AGBL4: variants seen among roughly 807,000 people sequenced by gnomAD.
AGBL4 encodes the protein AGBL carboxypeptidase 4.
A neutral mutation model predicts 66.4 loss-of-function variants in AGBL4; 58 were observed. The ratio of observed to expected loss-of-function variants is 0.87; its 90% CI spans 0.71 to 1.09. The LOEUF is 1.09. Ranked by LOEUF, AGBL4 falls within the 50% of genes least tolerant of loss-of-function variation. The probability of loss-of-function intolerance (pLI) is 0.00; values close to 1 mark genes in which losing one functional copy is unlikely to be tolerated. For synonymous variants in AGBL4, 234 were observed against 222.9 expected (o/e 1.05, Z -0.44); for missense variants, 579 against 631.0 (o/e 0.92, Z 0.88).
chr1:48,900,647 C>T (rs1050196172), intron 5 of AGBL4, among the ~76,000 whole-genome samples: 1 of 152,094 alleles, frequency 6.6e-6, no homozygotes, highest in Non-Finnish European at 1.5e-5. Flanking sequence ...ACAGTTTTTT[C>T]AACAAATGGA....
intron 4 of AGBL4, among the ~76,000 whole-genome samples, chr1:49,096,850 A>G (rs1447357747): frequency 6.6e-6 from 1 of 152,042 alleles, no homozygotes; most frequent in African/African-American, 2.4e-5. Context: ...AATAAAAAAA[A>G]AACAGTGAAG....
At chr1:48,965,952 A>G (rs1429826282) in intron 5 of AGBL4, among the ~76,000 whole-genome samples, 1 of 152,184 alleles carries the variant, frequency 6.6e-6, no homozygotes, top group Non-Finnish European at 1.5e-5. Context: ...AAAAGAAAGA[A>G]CACAGCTTTT....
rs199917087 is a variant in AGBL4, at chr1:48,975,480, G to A, written c.594+70104C>T. Among the ~76,000 whole-genome samples the A allele has an allele frequency of 2.0e-5, 3 of 152,238 alleles. No homozygotes were observed. In the East Asian group the frequency reaches 5.8e-4, roughly 29 times the overall value. Reference sequence around the variant, plus strand: ...GAAAACCACACAGAAGATTCCTATAGGTAAGAGAAACCATCTCAACTATCT... The same window carrying A: ...GAAAACCACACAGAAGATTCCTATAAGTAAGAGAAACCATCTCAACTATCT... On this transcript the variant is annotated intron_variant, in intron 5 of 13. Transcript: ENST00000371839.
intron 6 of AGBL4, among the ~76,000 whole-genome samples, chr1:48,710,625 T>C (rs921260554): frequency 6.6e-6 from 1 of 152,126 alleles, no homozygotes; most frequent in South Asian, 2.1e-4. Flanking sequence ...GATTTAAGGG[T>C]CCTTGTTAGG....
intron 3 of AGBL4, among the ~76,000 whole-genome samples, chr1:49,562,313 T>C (rs1332652703): frequency 6.6e-6 from 1 of 152,198 alleles, no homozygotes; most frequent in Non-Finnish European, 1.5e-5. Flanking sequence ...TTTAGTTTAA[T>C]TAGATCCCAT....
chr1:49,290,561 T>C (rs1315227968), intron 3 of AGBL4, among the ~76,000 whole-genome samples: 13 of 152,088 alleles, frequency 8.5e-5, no homozygotes. Context: ...GGGGAAAGGA[T>C]TTGGAAAAAA....
At chr1:49,465,889 G>C (rs1262710411) in intron 3 of AGBL4, among the ~76,000 whole-genome samples, 1 of 151,834 alleles carries the variant, frequency 6.6e-6, no homozygotes, top group Non-Finnish European at 1.5e-5. Context: ...TGGGGAGAAA[G>C]GTTGAAGAAG....
intron 10 of AGBL4, among the ~76,000 whole-genome samples, chr1:48,588,275 A>G (rs1456611959): frequency 6.6e-6 from 1 of 152,216 alleles, no homozygotes; most frequent in Non-Finnish European, 1.5e-5. Context: ...CTGCTTCTTT[A>G]CTAAGATGTT....
chr1:49,278,271 C>T (rs746318291), intron 3 of AGBL4, among the ~76,000 whole-genome samples: 10 of 151,998 alleles, frequency 6.6e-5, no homozygotes, highest in Non-Finnish European at 1.3e-4. Context: ...TTTGGAATCA[C>T]GTCCCAGGTT....
At chr1:48,762,515 G>C (rs1489644240) in intron 6 of AGBL4, among the ~76,000 whole-genome samples, 6 of 152,006 alleles carry the variant, frequency 3.9e-5, no homozygotes, top group Admixed American at 3.9e-4. Context: ...GTCCTCAAAG[G>C]TTCCCACTGG....
chr1:48,725,111 G>T (rs1647212748), intron 6 of AGBL4, among the ~76,000 whole-genome samples: 1 of 152,144 alleles, frequency 6.6e-6, no homozygotes, highest in Non-Finnish European at 1.5e-5. Context: ...TACTTAAGAA[G>T]AAATTTACTC....
At chr1:48,681,594 G>C (rs1364516484) in intron 6 of AGBL4, among the ~76,000 whole-genome samples, 1 of 152,154 alleles carries the variant, frequency 6.6e-6, no homozygotes, top group African/African-American at 2.4e-5. Context: ...AGCCAGGGTC[G>C]AGTTAACCTC....
At chr1:49,865,882 T>G (rs1222991742) in intron 1 of AGBL4, 1 of 351,498 alleles carries the variant, frequency 2.8e-6, no homozygotes, top group Non-Finnish European at 5.7e-6. Context: ...CAGGAGCTGT[T>G]AATCAGAATA....
intron 1 of AGBL4, among the ~76,000 whole-genome samples, chr1:49,853,699 T>C (rs1646361714): frequency 6.6e-6 from 1 of 152,068 alleles, no homozygotes; most frequent in Admixed American, 6.6e-5. Context: ...AAGAGATAAA[T>C]CACATACAAA....
intron 1 of AGBL4, among the ~76,000 whole-genome samples, chr1:49,883,106 A>T (rs954178343): frequency 6.6e-6 from 1 of 152,186 alleles, no homozygotes; most frequent in Admixed American, 6.5e-5. Flanking sequence ...TCATAATTTT[A>T]TCCAAAAATA....
At chr1:49,933,431 G>T (rs1043778977) in intron 1 of AGBL4, among the ~76,000 whole-genome samples, 1 of 151,944 alleles carries the variant, frequency 6.6e-6, no homozygotes. Flanking sequence ...ATGAAAAGGT[G>T]CTAAACAGCA....
chr1:49,048,167 T>C (rs1209496885), intron 4 of AGBL4: 1 of 152,182 alleles, frequency 6.6e-6, no homozygotes, highest in East Asian at 1.9e-4. Context: ...GAGCCCTGGA[T>C]GAGTATGTCT....
chr1:49,780,730 GA>G (rs1644316794), intron 2 of AGBL4, among the ~76,000 whole-genome samples: 1 of 151,534 alleles, frequency 6.6e-6, no homozygotes, highest in South Asian at 2.1e-4. Context: ...AAAATAACCA[GA>G]AAAAAAGTCA....
chr1:49,006,616 TA>T (rs1190920431), intron 5 of AGBL4, among the ~76,000 whole-genome samples: 2 of 151,914 alleles, frequency 1.3e-5, no homozygotes, highest in Non-Finnish European at 2.9e-5. Context: ...TCTGCAGACT[TA>T]AATGTCCCTG....
Sources: allele counts gnomAD v4.1 joint callset (sites outside exome capture counted in the v4.1 genomes callset), GRCh38; gene constraint gnomAD v4.1.1; transcripts MANE v1.5; gene names NCBI Gene and HGNC (gene_info 2026-07-23, HGNC 2026-07-21).